PTPRN2: variants seen among roughly 807,000 people sequenced by gnomAD.
The protein encoded by PTPRN2 is protein tyrosine phosphatase receptor type N2, also known as receptor-type tyrosine-protein phosphatase N2.
A neutral mutation model predicts 118.8 loss-of-function variants in PTPRN2; 74 were observed. That is an observed-to-expected ratio of 0.62 (90% CI 0.52 to 0.76). PTPRN2 has a LOEUF of 0.76. Ranked by LOEUF, PTPRN2 falls within the 30% of genes least tolerant of loss-of-function variation. The pLI is 0.00. For missense variants in PTPRN2, 1,481 were observed against 1,394.4 expected, an observed-to-expected ratio of 1.06 and a Z score of -0.99; for synonymous variants, 641 against 608.0, an observed-to-expected ratio of 1.05 and a Z score of -0.80.
intron 20 of PTPRN2, among the ~76,000 whole-genome samples, chr7:157,569,235 C>G (rs964873331): frequency 1.4e-4 from 21 of 152,252 alleles, no homozygotes; most frequent in African/African-American, 4.6e-4. Context: ...CTTGTTCCCC[C>G]CTCTTTGGCC....
In PTPRN2 at chr7:158,565,013, C is replaced by A. The variant is rs1261197626; in HGVS notation, c.112+22545G>T. On this transcript the variant is annotated intron_variant, in intron 1 of 22. Transcript: ENST00000389418. This position sits in a 1 kb window ranked among gnomAD's most constrained non-coding sequence, Gnocchi z 4.6. ...GGCCCTGCCCCACGTAACGGCTTTA[C>A]ACAAACTCTAAAAAGTCATCCCAGC... is the stretch of plus-strand genomic sequence containing the variant. Among the ~76,000 whole-genome samples, 5 of 152,214 alleles carry A rather than the reference C, an allele frequency of 3.3e-5. No homozygotes were observed. The highest frequency in any genetic ancestry group is 5.9e-5 in the Non-Finnish European group (4 of 68,040).
chr7:157,794,780 C>T lies in PTPRN2; in HGVS notation c.1788+103893G>A, dbSNP rs1804758642. Among the ~76,000 whole-genome samples the T allele has an allele frequency of 6.6e-6, 1 of 152,194 alleles. No homozygotes were observed. The highest frequency in any genetic ancestry group is 2.4e-5 in the African/African-American group (1 of 41,444). On this transcript the variant is annotated intron_variant, in intron 12 of 22. Coordinates refer to ENST00000389418, the MANE Select transcript of PTPRN2 (RefSeq NM_002847.5). This position sits in a 1 kb window ranked among gnomAD's most constrained non-coding sequence, Gnocchi z 5.2. Reference sequence around the variant, plus strand: ...GCTCACCAGCAGAACAGTGAGCTACCTTCTCTCCCAGTAACCTTTTCCAGA... The same window carrying T: ...GCTCACCAGCAGAACAGTGAGCTACTTTCTCTCCCAGTAACCTTTTCCAGA...
At position 157,550,414 on chromosome 7, in the gene PTPRN2, T is replaced by C. The variant is rs1798535308; in HGVS notation, c.2903-1395A>G. Among the ~76,000 whole-genome samples the C allele has an allele frequency of 1.3e-5, 2 of 152,136 alleles. No individual in the cohort carries two copies. The highest frequency in any genetic ancestry group is 2.4e-5 in the African/African-American group (1 of 41,436). ...GGACACACGTTGGAACCAAATGTCATGTTTGCATGAAGGGAGAACAAAGCA... is the reference window on the plus strand; with the variant it reads ...GGACACACGTTGGAACCAAATGTCACGTTTGCATGAAGGGAGAACAAAGCA... On this transcript the variant is annotated intron_variant, in intron 21 of 22. Coordinates refer to ENST00000389418, the MANE Select transcript of PTPRN2 (RefSeq NM_002847.5). This position sits in a 1 kb window ranked among gnomAD's most constrained non-coding sequence, Gnocchi z 5.2.
intron 1 of PTPRN2, among the ~76,000 whole-genome samples, chr7:158,520,009 C>T (rs1343507655): frequency 6.6e-6 from 1 of 152,226 alleles, no homozygotes; most frequent in Non-Finnish European, 1.5e-5. Flanking sequence ...CCATGGGAAA[C>T]ATTTCGATTT....
At position 158,407,237 on chromosome 7, in the gene PTPRN2, TCCTGGGTCCTGCGTCCTGG is replaced by T. The variant is rs1350337667; in HGVS notation, c.163+82479_163+82497del. 3.9e-4 allele frequency among the ~76,000 whole-genome samples: 21 copies of T among 54,050 alleles called. 1 individual carries two copies. The highest frequency in any genetic ancestry group is 5.6e-4 in the Non-Finnish European group (15 of 26,624). 35.5% of individuals were successfully genotyped at this position (54,050 alleles called of 152,430 possible). A position where few individuals can be genotyped will look rare whatever the true frequency, so the allele number is the denominator to read the frequency against. On this transcript the variant is annotated intron_variant, in intron 2 of 22. Transcript: ENST00000389418. ...TGCGTCCTGCGTCCTGGGTCCTGGG[TCCTGGGTCCTGCGTCCTGG>T]GTCCTGGGTCCTGGGTCCTGGGTCC...
chr7:158,122,490 A>G (rs1008747905), intron 9 of PTPRN2, among the ~76,000 whole-genome samples: 1 of 152,176 alleles, frequency 6.6e-6, no homozygotes, highest in Non-Finnish European at 1.5e-5. Flanking sequence ...GGGTGGACGC[A>G]TGAGCAGAAA....
At position 157,861,876 on chromosome 7, in the gene PTPRN2, C is replaced by T. The variant is rs1810267939; in HGVS notation, c.1788+36797G>A. Among the ~76,000 whole-genome samples, 3 of 151,776 alleles carry T rather than the reference C, an allele frequency of 2.0e-5. No individual in the cohort carries two copies. The highest frequency in any genetic ancestry group is 2.0e-4 in the Admixed American group (3 of 15,226). ...AGGACTCTGTGTGCCGGAGTCTGTC[C>T]TCCCCATCACAGGGACACTGCTGCT... On this transcript the variant is annotated intron_variant, in intron 12 of 22. Coordinates refer to ENST00000389418, the MANE Select transcript of PTPRN2 (RefSeq NM_002847.5). This position sits in a 1 kb window ranked among gnomAD's most constrained non-coding sequence, Gnocchi z 5.8.
intron 16 of PTPRN2, among the ~76,000 whole-genome samples, chr7:157,601,715 T>C (rs1801676920): frequency 6.6e-6 from 1 of 152,262 alleles, no homozygotes; most frequent in Non-Finnish European, 1.5e-5. Flanking sequence ...TGGCCTGGAA[T>C]AGCGCAGACA....
intron 12 of PTPRN2, among the ~76,000 whole-genome samples, chr7:157,767,540 C>T (rs920046166): frequency 6.6e-6 from 1 of 152,220 alleles, no homozygotes; most frequent in Non-Finnish European, 1.5e-5. Flanking sequence ...AAGAATGCTC[C>T]TGCTCTCCCA....
chr7:157,799,366 C>T (rs980691314), intron 12 of PTPRN2, among the ~76,000 whole-genome samples: 16 of 152,278 alleles, frequency 1.1e-4, no homozygotes, highest in East Asian at 7.7e-4. Flanking sequence ...CATCTCTTGC[C>T]GTGAGACCTC....
At chr7:157,840,106 C>CGT (rs142127823) in intron 12 of PTPRN2, among the ~76,000 whole-genome samples, 18,788 of 142,380 alleles carry the variant, frequency 0.13, 2,328 homozygotes, top group African/African-American at 0.33. Context: ...TGTGTGACCG[C>CGT]GTGACTGTGT....
chr7:157,942,579 T>C (rs907593348), intron 11 of PTPRN2, among the ~76,000 whole-genome samples: 2 of 152,120 alleles, frequency 1.3e-5, no homozygotes, highest in African/African-American at 4.8e-5. Context: ...TCATTGAGAC[T>C]GGGAGCTGGT....
intron 3 of PTPRN2, among the ~76,000 whole-genome samples, chr7:158,269,379 T>G (rs1449037047): frequency 1.3e-5 from 2 of 152,222 alleles, no homozygotes; most frequent in East Asian, 3.9e-4. Flanking sequence ...CACACCTGGT[T>G]TCTGCTTTGA....
In PTPRN2 at chr7:157,944,447, G is replaced by C. The variant is rs10260165; in HGVS notation, c.1724-45710C>G. Among the ~76,000 whole-genome samples, 79,568 of 152,116 alleles carry C rather than the reference G, an allele frequency of 0.52. 21,700 individuals carry two copies. The highest frequency in any genetic ancestry group is 0.66 in the African/African-American group (27,378 of 41,506). On this transcript the variant is annotated intron_variant, in intron 11 of 22. Transcript: ENST00000389418. The surrounding 1 kb of genome is among the most constrained non-coding windows in gnomAD (Gnocchi z 4.3). The stretch of plus-strand genomic sequence containing the variant: ...TGGCACAAATATGTGTTTATCGAGA[G>C]AAACCTAAGTTTGTGAGAAAAGGAT...
In PTPRN2 at chr7:157,801,737, C is replaced by T. The variant is rs572679027; in HGVS notation, c.1788+96936G>A. On this transcript the variant is annotated intron_variant, in intron 12 of 22. Transcript: ENST00000389418. The surrounding 1 kb of genome is among the most constrained non-coding windows in gnomAD (Gnocchi z 4.2). Reference sequence around the variant, plus strand: ...CACAGGAGAGGCGGCTGCTGAATGCCTCCACCGAGGGTTCTGGGAAGGAAA... The same window carrying T: ...CACAGGAGAGGCGGCTGCTGAATGCTTCCACCGAGGGTTCTGGGAAGGAAA... Among the ~76,000 whole-genome samples, 1 of 152,294 alleles carries T rather than the reference C, an allele frequency of 6.6e-6. No homozygotes were observed. The highest frequency in any genetic ancestry group is 6.5e-5 in the Admixed American group (1 of 15,302).
intron 15 of PTPRN2, among the ~76,000 whole-genome samples, chr7:157,613,027 G>C (rs760397144): frequency 6.6e-6 from 1 of 152,184 alleles, no homozygotes; most frequent in Non-Finnish European, 1.5e-5. Context: ...AGGGGCCGGG[G>C]TGCTTCCGGC....
chr7:157,558,965 T>G (rs1481947766), intron 21 of PTPRN2, among the ~76,000 whole-genome samples: 1 of 152,152 alleles, frequency 6.6e-6, no homozygotes, highest in Non-Finnish European at 1.5e-5. Flanking sequence ...TCATTTGACC[T>G]CGGAAACAGG....
intron 12 of PTPRN2, chr7:157,865,051 G>C (rs1392394370): frequency 6.6e-6 from 1 of 152,548 alleles, no homozygotes; most frequent in Non-Finnish European, 1.5e-5. Flanking sequence ...GCACGTGGCT[G>C]TGTGTGCATG....
intron 2 of PTPRN2, among the ~76,000 whole-genome samples, chr7:158,453,511 G>A (rs1818234799): frequency 6.6e-6 from 1 of 152,196 alleles, no homozygotes; most frequent in South Asian, 2.1e-4. Context: ...GCTACACAGA[G>A]GAGGACTGAG....
Sources: allele counts gnomAD v4.1 joint callset (sites outside exome capture counted in the v4.1 genomes callset), GRCh38; gene constraint gnomAD v4.1.1; non-coding constraint Gnocchi (gnomAD v3.1); transcripts MANE v1.5; gene names NCBI Gene and HGNC (gene_info 2026-07-23, HGNC 2026-07-21).